The following LINGO2 variants were observed in gnomAD, a reference collection of about 807,000 sequenced individuals.
LINGO2 encodes leucine-rich repeat and immunoglobulin-like domain-containing nogo receptor-interacting protein 2.
Under a neutral mutation model 30.6 loss-of-function variants are expected in LINGO2, and 14 were observed. The ratio of observed to expected loss-of-function variants is 0.46; its 90% CI spans 0.30 to 0.72. LINGO2 has a LOEUF of 0.72. LINGO2 is among the 30% of genes least tolerant of loss of function. LINGO2 has a pLI of 0.07. For missense variants in LINGO2, 729 were observed against 751.7 expected, an observed-to-expected ratio of 0.97 and a Z score of 0.35; for synonymous variants, 317 against 288.5, an observed-to-expected ratio of 1.10 and a Z score of -1.00.
At chr9:29,184,459 T>A in the LINGO2 span, among the ~76,000 whole-genome samples, 1 of 152,072 alleles carries the variant, frequency 6.6e-6, no homozygotes, top group Non-Finnish European at 1.5e-5. Flanking sequence ...GGGGAAGAAG[T>A]AGAGGGGAGG....
the LINGO2 span, among the ~76,000 whole-genome samples, chr9:29,208,594 T>C: frequency 1.3e-5 from 2 of 152,162 alleles, no homozygotes; most frequent in African/African-American, 4.8e-5. Flanking sequence ...AAGCATTCTT[T>C]AAATATATTT....
chr9:28,679,726 T>A, the LINGO2 span, among the ~76,000 whole-genome samples: 1 of 152,052 alleles, frequency 6.6e-6, no homozygotes, highest in East Asian at 1.9e-4. Flanking sequence ...AAGAAAGTGT[T>A]ATACTAAAGC....
At chr9:28,727,579 C>T in the LINGO2 span, among the ~76,000 whole-genome samples, 13 of 152,270 alleles carry the variant, frequency 8.5e-5, no homozygotes, top group African/African-American at 2.4e-4. Context: ...TGAGCCACCA[C>T]GCCCGGCCAA....
chr9:28,477,401 A>C (rs979800991), intron 1 of LINGO2, among the ~76,000 whole-genome samples: 6 of 152,186 alleles, frequency 3.9e-5, no homozygotes, highest in African/African-American at 1.2e-4. Context: ...CTAGTAAAAA[A>C]AACAGGGTAG....
At chr9:28,353,645 A>G (rs1028344828) in intron 3 of LINGO2, among the ~76,000 whole-genome samples, 1 of 152,160 alleles carries the variant, frequency 6.6e-6, no homozygotes, top group African/African-American at 2.4e-5. Context: ...CAGCCATCCC[A>G]TTACTGGATA....
chr9:28,666,672 C>T (rs1828812671), intron 1 of LINGO2, among the ~76,000 whole-genome samples: 1 of 152,116 alleles, frequency 6.6e-6, no homozygotes, highest in Non-Finnish European at 1.5e-5. Flanking sequence ...GTACTTTTAT[C>T]CTTTTTTTCA....
chr9:28,767,739 T>A, the LINGO2 span, among the ~76,000 whole-genome samples: 2 of 139,082 alleles, frequency 1.4e-5, no homozygotes, highest in African/African-American at 5.4e-5. Context: ...TGAGCCGAGA[T>A]CGCGCCACTG....
chr9:27,979,776 T>A (rs1003573248), intron 5 of LINGO2, among the ~76,000 whole-genome samples: 1 of 151,994 alleles, frequency 6.6e-6, no homozygotes, highest in Non-Finnish European at 1.5e-5. Context: ...GACTTCTTAT[T>A]ACTAGAAATG....
At chr9:28,628,809 C>G (rs10511829) in intron 1 of LINGO2, among the ~76,000 whole-genome samples, 53,152 of 151,488 alleles carry the variant, frequency 0.35, 9,958 homozygotes, top group African/African-American at 0.46. Context: ...TGATGAGCCT[C>G]CGGTAATGTA....
chr9:29,155,971 A>T, the LINGO2 span, among the ~76,000 whole-genome samples: 2 of 152,242 alleles, frequency 1.3e-5, no homozygotes, highest in East Asian at 3.9e-4. Context: ...AACTGTGATT[A>T]TAAACTAGGG....
chr9:28,144,762 G>T (rs1827768003), intron 4 of LINGO2, among the ~76,000 whole-genome samples: 1 of 152,152 alleles, frequency 6.6e-6, no homozygotes, highest in South Asian at 2.1e-4. Context: ...TTACTGTCTG[G>T]TTTGGTAAAC....
the LINGO2 span, among the ~76,000 whole-genome samples, chr9:29,129,771 A>AAT: frequency 6.6e-6 from 1 of 152,120 alleles, no homozygotes; most frequent in Non-Finnish European, 1.5e-5. Flanking sequence ...GATATGAAGA[A>AAT]ATATATATGA....
At chr9:28,336,726 C>A (rs34598765) in intron 3 of LINGO2, among the ~76,000 whole-genome samples, 26,238 of 151,884 alleles carry the variant, frequency 0.17, 2,976 homozygotes, top group Non-Finnish European at 0.25. Flanking sequence ...AATGTATGTG[C>A]ATCTGGGTTT....
chr9:28,267,010 C>T (rs1822775229), intron 4 of LINGO2, among the ~76,000 whole-genome samples: 1 of 151,958 alleles, frequency 6.6e-6, no homozygotes, highest in Non-Finnish European at 1.5e-5. Flanking sequence ...ACTCATGGTT[C>T]CAGGGTGCAG....
chr9:29,119,577 CTTTT>C, the LINGO2 span, among the ~76,000 whole-genome samples: 4,327 of 82,664 alleles, frequency 0.052, 64 homozygotes, highest in Admixed American at 0.093. Flanking sequence ...CAGTTGTCAT[CTTTT>C]TTTTTTTTTT....
chr9:29,131,536 A>G, the LINGO2 span, among the ~76,000 whole-genome samples: 1 of 152,118 alleles, frequency 6.6e-6, no homozygotes, highest in Non-Finnish European at 1.5e-5. Flanking sequence ...GACAAGCAGT[A>G]AAACTTTTCC....
chr9:28,335,619 T>C (rs1294670762), intron 3 of LINGO2, among the ~76,000 whole-genome samples: 1 of 152,148 alleles, frequency 6.6e-6, no homozygotes, highest in Non-Finnish European at 1.5e-5. Flanking sequence ...TCCTTAAAAA[T>C]ATCTGAGGAC....
In LINGO2 at chr9:28,148,879, C is replaced by T; in HGVS notation, c.-86-136474G>A. On this transcript the variant is annotated intron_variant, in intron 4 of 5. Transcript: ENST00000379992. This position sits in a 1 kb window ranked among gnomAD's most constrained non-coding sequence, Gnocchi z 5.1. ...CAGGCTTGCTGATGGTGGGGGAGGACATGCAGCCCAAGGATCCTGCAGCTC... is the reference window on the plus strand; with the variant it reads ...CAGGCTTGCTGATGGTGGGGGAGGATATGCAGCCCAAGGATCCTGCAGCTC... 6.5e-7 allele frequency: 1 copy of T among 1,533,738 alleles called. No individual in the cohort carries two copies.
chr9:29,128,176 T>C, the LINGO2 span, among the ~76,000 whole-genome samples: 1 of 152,104 alleles, frequency 6.6e-6, no homozygotes, highest in Admixed American at 6.6e-5. Context: ...AGTGCCCACC[T>C]AAGGTCAGAG....
Sources: allele counts gnomAD v4.1 joint callset (sites outside exome capture counted in the v4.1 genomes callset), GRCh38; gene constraint gnomAD v4.1.1; non-coding constraint Gnocchi (gnomAD v3.1); transcripts MANE v1.5; gene names NCBI Gene and HGNC (gene_info 2026-07-23, HGNC 2026-07-21).